The following GREB1L variants were observed in gnomAD, a reference collection of about 807,000 sequenced individuals.
GREB1L encodes GREB1-like protein.
GREB1L carries 17 observed loss-of-function variants against 200.8 expected under a neutral mutation model. The observed-to-expected ratio is 0.08, with a 90% CI of 0.06 to 0.13. The LOEUF (loss-of-function observed/expected upper bound fraction) is 0.13, where lower values mean the gene tolerates loss of function less well. Ranked by LOEUF, GREB1L falls within the 10% of genes least tolerant of loss-of-function variation. GREB1L has a pLI of 1.00. For synonymous variants in GREB1L, 789 were observed against 893.0 expected (o/e 0.88, Z 2.08); for missense variants, 1,657 against 2,367.7 (o/e 0.70, Z 6.23).
At chr18:21,324,764 C>T (rs1396050665) in intron 1 of GREB1L, among the ~76,000 whole-genome samples, 3 of 152,146 alleles carry the variant, frequency 2.0e-5, no homozygotes, top group East Asian at 3.9e-4. Context: ...AAGCCGAGAT[C>T]GTGCCACTGC....
chr18:21,390,447 A>G (rs2040750274), intron 4 of GREB1L, among the ~76,000 whole-genome samples: 2 of 152,134 alleles, frequency 1.3e-5, no homozygotes, highest in African/African-American at 4.8e-5. Flanking sequence ...GAAGAGTGAT[A>G]TTGATGATTC....
At chr18:21,305,263 TG>T (rs1198099408) in intron 1 of GREB1L, among the ~76,000 whole-genome samples, 2 of 152,174 alleles carry the variant, frequency 1.3e-5, no homozygotes, top group Non-Finnish European at 1.5e-5. Flanking sequence ...TGTGACCCAC[TG>T]TACCCGGCCC....
chr18:21,272,509 G>GAAATATGAATAT (rs2038094775), intron 1 of GREB1L, among the ~76,000 whole-genome samples: 1 of 152,172 alleles, frequency 6.6e-6, no homozygotes. Context: ...GCTTTCATAA[G>GAAATATGAATAT]AAGTTATAAA....
chr18:21,381,817 G>A (rs751441922), intron 2 of GREB1L, among the ~76,000 whole-genome samples: 5 of 152,152 alleles, frequency 3.3e-5, no homozygotes, highest in Non-Finnish European at 7.4e-5. Context: ...AAGAGACCAA[G>A]GTTTCTAAAA....
At position 21,413,208 on chromosome 18, in the gene GREB1L, C is replaced by G. The variant is rs77168052; in HGVS notation, c.832+9214C>G. Among the ~76,000 whole-genome samples the G allele has an allele frequency of 7.9e-5, 12 of 152,262 alleles. No individual in the cohort carries two copies. In the East Asian group the frequency reaches 1.5e-3, roughly 20 times the overall value. Reference sequence around the variant, plus strand: ...CAGAATATTTTGTGATCTGCCACCCCCTAACCTAGGCCTACCCTGCTCACA... The same window carrying G: ...CAGAATATTTTGTGATCTGCCACCCGCTAACCTAGGCCTACCCTGCTCACA... On this transcript the variant is annotated intron_variant, in intron 7 of 32. Transcript: ENST00000424526.
intron 1 of GREB1L, among the ~76,000 whole-genome samples, chr18:21,252,036 G>C (rs2037714863): frequency 6.6e-6 from 1 of 151,082 alleles, no homozygotes; most frequent in Non-Finnish European, 1.5e-5. Flanking sequence ...TAATTTTAAA[G>C]TATTTTGCAA....
chr18:21,506,458 T>C (rs113388776), intron 25 of GREB1L, among the ~76,000 whole-genome samples: 2 of 152,096 alleles, frequency 1.3e-5, no homozygotes, highest in African/African-American at 4.8e-5. Context: ...ATTTGGATTA[T>C]GGGAGGGAGA....
rs143831868 is a variant in GREB1L at position 21,293,559 on chromosome 18, G to A, written c.-120+51166G>A. 3.7e-4 allele frequency among the ~76,000 whole-genome samples: 56 copies of A among 152,252 alleles called. No individual in the cohort carries two copies. The East Asian group carries it at 8.5e-3, about 23-fold the overall frequency. ...TATTGCCTGCTATGTGATGACCTTC[G>A]TGCTAGGTATTTTGTATATATTGTG... On this transcript the variant is annotated intron_variant, in intron 1 of 32. Transcript: ENST00000424526.
At chr18:21,407,742 A>G (rs2030437589) in intron 7 of GREB1L, among the ~76,000 whole-genome samples, 1 of 152,228 alleles carries the variant, frequency 6.6e-6, no homozygotes, top group South Asian at 2.1e-4. Context: ...TTTAAGGATA[A>G]AGAAAATATG....
rs915365194 is a variant in GREB1L, at chr18:21,496,508, G to A, written c.3201G>A (p.Thr1067=). Reference sequence around the variant, plus strand: ...TTGACTCAAGCTATTTAACTCGCACGGCCTTGGAGCAGGAGGTGGGTCTGG... The same window carrying A: ...TTGACTCAAGCTATTTAACTCGCACAGCCTTGGAGCAGGAGGTGGGTCTGG... The part of the protein sequence containing the change: ...RLIDSSYLTR[T]ALEQEVGLAC... Residue 1067 remains threonine (T), a synonymous_variant, in exon 21 of 33, where the codon ACG becomes ACA. Transcript: ENST00000424526. 2.6e-6 allele frequency: 4 copies of A among 1,551,646 alleles called. No homozygotes were observed. Among genetic ancestry groups the A allele is most frequent in the East Asian group, 2.4e-5 (1 of 40,920 alleles).
intron 1 of GREB1L, among the ~76,000 whole-genome samples, chr18:21,246,283 C>T (rs1027496287): frequency 6.6e-6 from 1 of 152,072 alleles, no homozygotes; most frequent in Non-Finnish European, 1.5e-5. Context: ...AGATAAAAAG[C>T]AATAACACAT....
At chr18:21,387,223 T>C (rs2040579793) in intron 4 of GREB1L, among the ~76,000 whole-genome samples, 1 of 152,180 alleles carries the variant, frequency 6.6e-6, no homozygotes, top group Non-Finnish European at 1.5e-5. Context: ...TTATAGCTGG[T>C]TCTGTAAAGT....
At chr18:21,405,379 C>G (rs1318084911) in intron 7 of GREB1L, among the ~76,000 whole-genome samples, 1 of 152,114 alleles carries the variant, frequency 6.6e-6, no homozygotes, top group Non-Finnish European at 1.5e-5. Context: ...TTTTTAAAAC[C>G]ACAGTATTAA....
At chr18:21,277,548 C>A (rs2038189133) in intron 1 of GREB1L, among the ~76,000 whole-genome samples, 1 of 152,176 alleles carries the variant, frequency 6.6e-6, no homozygotes, top group Non-Finnish European at 1.5e-5. Flanking sequence ...CCTTTTGTCA[C>A]CTTCTTCCTA....
rs914419022 is a variant in GREB1L at position 21,449,855 on chromosome 18, TTTTG to T, written c.1720+27_1720+30del. On this transcript the variant is annotated intron_variant, in intron 12 of 32. Transcript: ENST00000424526. Reference sequence around the variant, plus strand: ...GTGTTAGGTGAGTAATTTTTTTGTTTTTTGTTTGTTTAATCAATTCATTCGACCA... The same window carrying T: ...GTGTTAGGTGAGTAATTTTTTTGTTTTTTGTTTAATCAATTCATTCGACCA... The T allele has an allele frequency of 1.2e-5, 17 of 1,467,192 alleles. No homozygotes were observed. In the African/African-American group the frequency reaches 1.3e-4, roughly 11 times the overall value. 90.9% of individuals were successfully genotyped at this position (1,467,192 alleles called of 1,614,324 possible).
intron 1 of GREB1L, among the ~76,000 whole-genome samples, chr18:21,262,449 T>C (rs1272663140): frequency 6.6e-6 from 1 of 152,186 alleles, no homozygotes; most frequent in African/African-American, 2.4e-5. Flanking sequence ...GTGAATACTT[T>C]ATAAAATTTT....
intron 23 of GREB1L, among the ~76,000 whole-genome samples, chr18:21,501,353 G>T (rs1307720519): frequency 6.6e-6 from 1 of 151,444 alleles, no homozygotes; most frequent in Non-Finnish European, 1.5e-5. Context: ...CTACCAACCC[G>T]TCATCTACGT....
At chr18:21,328,364 G>T (rs1342742768) in intron 1 of GREB1L, among the ~76,000 whole-genome samples, 1 of 152,178 alleles carries the variant, frequency 6.6e-6, no homozygotes, top group Non-Finnish European at 1.5e-5. Context: ...GATATGCTTT[G>T]TGTATCCCAG....
chr18:21,318,220 C>T (rs1240430767), intron 1 of GREB1L, among the ~76,000 whole-genome samples: 1 of 151,658 alleles, frequency 6.6e-6, no homozygotes, highest in Non-Finnish European at 1.5e-5. Context: ...CATTTCAGAA[C>T]TTGGTATGTA....
Sources: allele counts gnomAD v4.1 joint callset (sites outside exome capture counted in the v4.1 genomes callset), GRCh38; gene constraint gnomAD v4.1.1; transcripts MANE v1.5; gene names NCBI Gene and HGNC (gene_info 2026-07-23, HGNC 2026-07-21).